BTBD9: variants seen among roughly 807,000 people sequenced by gnomAD.
BTBD9 encodes BTB domain containing 9.
Under a neutral mutation model 64.3 loss-of-function variants are expected in BTBD9, and 49 were observed. The observed-to-expected ratio is 0.76, with a 90% CI of 0.61 to 0.97. The LOEUF (loss-of-function observed/expected upper bound fraction) is 0.97. Among genes scored for constraint, BTBD9 ranks in the 50% least tolerant of loss-of-function variants. The pLI is 0.00. For synonymous variants in BTBD9, 260 were observed against 274.7 expected (o/e 0.95, Z 0.53); for missense variants, 598 against 762.1 (o/e 0.78, Z 2.53).
chr6:38,594,589 T>C (rs751954987), intron 2 of BTBD9, among the ~76,000 whole-genome samples: 47 of 152,168 alleles, frequency 3.1e-4, no homozygotes, highest in Non-Finnish European at 5.4e-4. Context: ...AGATATTAAA[T>C]AGAAAGATGA....
chr6:38,205,137 G>A (rs1762590179), intron 9 of BTBD9, among the ~76,000 whole-genome samples: 1 of 152,128 alleles, frequency 6.6e-6, no homozygotes, highest in African/African-American at 2.4e-5. Flanking sequence ...TAAGAAATAT[G>A]ATGTTCCAGA....
intron 9 of BTBD9, among the ~76,000 whole-genome samples, chr6:38,236,073 A>AT (rs1763768505): frequency 6.6e-6 from 1 of 152,152 alleles, no homozygotes; most frequent in Admixed American, 6.5e-5. Flanking sequence ...CAGAACTCTT[A>AT]TTTTTCAAGA....
chr6:38,620,654 CA>C, intron 1 of BTBD9, among the ~76,000 whole-genome samples: 1 of 152,302 alleles, frequency 6.6e-6, no homozygotes, highest in East Asian at 1.9e-4. Flanking sequence ...GCTCTGCCTA[CA>C]ACAAGTCAAA....
At chr6:38,551,103 C>G (rs2814887) in intron 6 of BTBD9, among the ~76,000 whole-genome samples, 42,547 of 152,054 alleles carry the variant, frequency 0.28, 6,250 homozygotes, top group Non-Finnish European at 0.31. Context: ...GCAAACCCAC[C>G]CCATAAACAT....
chr6:38,309,157 G>A (rs1177472897), intron 7 of BTBD9, among the ~76,000 whole-genome samples: 20 of 151,568 alleles, frequency 1.3e-4, no homozygotes, highest in Admixed American at 1.3e-3. Flanking sequence ...ATCACCTGAG[G>A]TCAGGAGTTC....
chr6:38,638,203 T>C lies in BTBD9; in HGVS notation c.-28+1597A>G, dbSNP rs548932300. ...CTATCTTTTCTGATTTTCTACCACA[T>C]TTATAGTCCTCAAACAGCACTGGTT... On this transcript the variant is annotated intron_variant, in intron 1 of 10. Transcript: ENST00000481247. Among the ~76,000 whole-genome samples, 20 of 152,322 alleles carry C rather than the reference T, an allele frequency of 1.3e-4. No homozygotes were observed. The East Asian group carries it at 3.9e-3, about 29-fold the overall frequency.
chr6:38,482,407 CTTTCTTT>C (rs1319812543), intron 6 of BTBD9: 1 of 145,658 alleles, frequency 6.9e-6, no homozygotes, highest in Admixed American at 6.9e-5. Flanking sequence ...GATCCTTTCT[CTTTCTTT>C]TTTTTTTTTT....
intron 6 of BTBD9, among the ~76,000 whole-genome samples, chr6:38,463,115 T>C (rs985411224): frequency 2.6e-5 from 4 of 151,252 alleles, no homozygotes; most frequent in African/African-American, 9.9e-5. Flanking sequence ...TTTTATCAGA[T>C]TTTTTCCCCT....
intron 8 of BTBD9, among the ~76,000 whole-genome samples, chr6:38,259,388 C>T (rs1436293194): frequency 1.3e-5 from 2 of 152,146 alleles, no homozygotes; most frequent in African/African-American, 2.4e-5. Flanking sequence ...TTTTCCTTCA[C>T]CGTTACCTTT....
intron 6 of BTBD9, among the ~76,000 whole-genome samples, chr6:38,440,889 T>C (rs1769000332): frequency 6.6e-6 from 1 of 152,186 alleles, no homozygotes; most frequent in African/African-American, 2.4e-5. Flanking sequence ...TAATACAGCA[T>C]TGGCCAAATC....
chr6:38,376,923 A>G (rs1271662912), intron 6 of BTBD9, among the ~76,000 whole-genome samples: 2 of 152,226 alleles, frequency 1.3e-5, no homozygotes, highest in African/African-American at 2.4e-5. Flanking sequence ...TAAGTGCATT[A>G]TCCTACTTGA....
intron 6 of BTBD9, among the ~76,000 whole-genome samples, chr6:38,447,348 AC>A (rs1769320521): frequency 6.6e-6 from 1 of 152,226 alleles, no homozygotes; most frequent in African/African-American, 2.4e-5. Context: ...GGCTCAAAGG[AC>A]TTTTCAATCA....
chr6:38,403,191 T>A (rs1767019001), intron 6 of BTBD9, among the ~76,000 whole-genome samples: 1 of 151,886 alleles, frequency 6.6e-6, no homozygotes, highest in Admixed American at 6.6e-5. Flanking sequence ...AAAAATAAAT[T>A]GGACTTCATC....
At chr6:38,390,411 T>C (rs1349789652) in intron 6 of BTBD9, among the ~76,000 whole-genome samples, 5 of 152,134 alleles carry the variant, frequency 3.3e-5, no homozygotes, top group East Asian at 3.8e-4. Context: ...TACTAATGGG[T>C]ACATGATCCA....
At chr6:38,207,227 G>C (rs915273478) in intron 9 of BTBD9, 1 of 202,054 alleles carries the variant, frequency 4.9e-6, no homozygotes, top group African/African-American at 2.4e-5. Flanking sequence ...GGGAGGAAAT[G>C]CAAGAGATCT....
Position 38,371,045 on chromosome 6 carries a change from T to A in BTBD9, c.1155-25952A>T, listed in dbSNP as rs73424707. 3.8e-3 allele frequency among the ~76,000 whole-genome samples: 586 copies of A among 152,286 alleles called. 2 individuals carry two copies. Among genetic ancestry groups the A allele is most frequent in the African/African-American group, 0.014 (562 of 41,562 alleles). On this transcript the variant is annotated intron_variant, in intron 6 of 10. Transcript: ENST00000481247. ...TTTTTTTCTTCTCTGCTGTGATCCA[T>A]TTTGTCTCTGCAACAGAACCATGTT...
intron 9 of BTBD9, among the ~76,000 whole-genome samples, chr6:38,199,623 A>T (rs1240452035): frequency 1.3e-5 from 2 of 152,224 alleles, no homozygotes. Context: ...GCTTTAGTTA[A>T]CATATTTAGG....
intron 6 of BTBD9, among the ~76,000 whole-genome samples, chr6:38,420,367 T>G (rs555754810): frequency 6.6e-6 from 1 of 152,282 alleles, no homozygotes; most frequent in South Asian, 2.1e-4. Context: ...GAGAAATGTA[T>G]TCAGCACACA....
chr6:38,410,104 G>T (rs536671769), intron 6 of BTBD9, among the ~76,000 whole-genome samples: 13 of 152,168 alleles, frequency 8.5e-5, no homozygotes, highest in Non-Finnish European at 1.6e-4. Context: ...AATATCAAGA[G>T]TTTTTATTTG....
Sources: gnomAD v4.1 joint callset for allele counts (sites outside exome capture counted in the v4.1 genomes callset) on GRCh38, gnomAD v4.1.1 for gene constraint, MANE v1.5 for transcripts, NCBI Gene and HGNC (gene_info 2026-07-23, HGNC 2026-07-21) for gene names.